The following ENOX2 variants were observed in gnomAD, a reference collection of about 807,000 sequenced individuals.
The protein encoded by ENOX2 is APK1 antigen.
ENOX2 carries 36 observed loss-of-function variants against 45.0 expected under a neutral mutation model. The ratio of observed to expected loss-of-function variants is 0.80; its 90% CI spans 0.61 to 1.06. The LOEUF is 1.06. ENOX2 is among the 50% of genes least tolerant of loss of function. The pLI is 0.00. For synonymous variants in ENOX2, 174 were observed against 152.3 expected, an observed-to-expected ratio of 1.14 and a Z score of -1.05; for missense variants, 423 against 462.5, an observed-to-expected ratio of 0.91 and a Z score of 0.78.
chrX:130,799,860 G>A (rs2077189108), intron 2 of ENOX2, among the ~76,000 whole-genome samples: 1 of 110,365 alleles, frequency 9.1e-6, no homozygotes, highest in Non-Finnish European at 1.9e-5. Flanking sequence ...TTTAATAGTA[G>A]TACAGTTAAG....
chrX:130,681,907 T>TA (rs1405815968), intron 5 of ENOX2, among the ~76,000 whole-genome samples: 1 of 110,912 alleles, frequency 9.0e-6, no homozygotes, highest in Non-Finnish European at 1.9e-5. Context: ...TTCCAGATCT[T>TA]AGTGTCACAC....
At chrX:130,706,358 T>TGTGGG (rs1447600533) in intron 3 of ENOX2, among the ~76,000 whole-genome samples, 1 of 111,794 alleles carries the variant, frequency 8.9e-6, no homozygotes, top group Admixed American at 9.5e-5. Context: ...TGTTTCTGGT[T>TGTGGG]GTGGGGTGGA....
chrX:130,791,924 C>T (rs1313673609), intron 2 of ENOX2, among the ~76,000 whole-genome samples: 3 of 112,286 alleles, frequency 2.7e-5, no homozygotes. Flanking sequence ...TTCTGTTAAT[C>T]GTTCTATGTA....
intron 3 of ENOX2, among the ~76,000 whole-genome samples, chrX:130,772,658 A>T (rs1166521079): frequency 8.9e-6 from 1 of 112,030 alleles, no homozygotes; most frequent in African/African-American, 3.2e-5. Context: ...CAAGATTTAC[A>T]CAATCTCCAG....
intron 2 of ENOX2, among the ~76,000 whole-genome samples, chrX:130,864,847 T>C (rs538992263): frequency 9.0e-6 from 1 of 111,341 alleles, no homozygotes; most frequent in African/African-American, 3.3e-5. Flanking sequence ...ACCCCATTTC[T>C]ACTAAAATAC....
At chrX:130,888,558 AT>A (rs775305100) in intron 2 of ENOX2, among the ~76,000 whole-genome samples, 20 of 112,169 alleles carry the variant, frequency 1.8e-4, no homozygotes, top group Non-Finnish European at 3.4e-4. Context: ...TAATGAGATA[AT>A]AGGTATGAAA....
At chrX:130,692,906 T>C (rs1238099285) in intron 4 of ENOX2, among the ~76,000 whole-genome samples, 1 of 111,279 alleles carries the variant, frequency 9.0e-6, no homozygotes, top group Non-Finnish European at 1.9e-5. Context: ...CCTCTTCTGA[T>C]TCATGTACTT....
At chrX:130,709,754 A>G (rs2038138032) in intron 3 of ENOX2, among the ~76,000 whole-genome samples, 1 of 110,530 alleles carries the variant, frequency 9.0e-6, no homozygotes, top group African/African-American at 3.3e-5. Context: ...TAGGACTCAG[A>G]AAAATGATGA....
chrX:130,844,653 C>T (rs766118101), intron 2 of ENOX2, among the ~76,000 whole-genome samples: 6 of 111,833 alleles, frequency 5.4e-5, no homozygotes, highest in South Asian at 7.5e-4. Flanking sequence ...AAAGCTGAAT[C>T]GCAGTAACTT....
At chrX:130,814,682 C>G (rs1365897998) in intron 2 of ENOX2, among the ~76,000 whole-genome samples, 1 of 112,065 alleles carries the variant, frequency 8.9e-6, no homozygotes, top group African/African-American at 3.3e-5. Flanking sequence ...AACTAACAAA[C>G]AGAAAGGAAT....
At chrX:130,842,148 C>A (rs1464633714) in intron 2 of ENOX2, among the ~76,000 whole-genome samples, 1 of 112,839 alleles carries the variant, frequency 8.9e-6, no homozygotes, top group East Asian at 2.8e-4. Flanking sequence ...CCCAGCCAGG[C>A]TGGCCTTAAT....
intron 8 of ENOX2, among the ~76,000 whole-genome samples, chrX:130,666,985 G>A (rs1220948552): frequency 2.7e-5 from 3 of 111,749 alleles, no homozygotes; most frequent in Non-Finnish European, 5.6e-5. Context: ...TTTTAAAAAT[G>A]GCCATTTTGG....
chrX:130,668,568 A>G (rs1384052665), intron 7 of ENOX2, among the ~76,000 whole-genome samples: 1 of 112,172 alleles, frequency 8.9e-6, no homozygotes, highest in Non-Finnish European at 1.9e-5. Context: ...TCCCCAAGAT[A>G]GCCACTTATG....
At chrX:130,709,656 G>A (rs868788486) in intron 3 of ENOX2, among the ~76,000 whole-genome samples, 9 of 97,507 alleles carry the variant, frequency 9.2e-5, no homozygotes, top group African/African-American at 1.1e-4. Flanking sequence ...AAAAAAAAAA[G>A]AAAAGAAAAG....
chrX:130,820,839 G>A (rs1156616449), intron 2 of ENOX2, among the ~76,000 whole-genome samples: 1 of 111,776 alleles, frequency 8.9e-6, no homozygotes, highest in Non-Finnish European at 1.9e-5. Context: ...TATGGTCAAA[G>A]GGTGCAAAAT....
At chrX:130,899,989 C>A (rs181652243) in intron 2 of ENOX2, among the ~76,000 whole-genome samples, 1 of 112,041 alleles carries the variant, frequency 8.9e-6, no homozygotes, top group African/African-American at 3.2e-5. Context: ...CTCTTCGCTC[C>A]GCTCACGTCA....
chrX:130,896,755 T>C (rs977307774), intron 2 of ENOX2, among the ~76,000 whole-genome samples: 6 of 112,238 alleles, frequency 5.3e-5, no homozygotes, highest in Non-Finnish European at 7.5e-5. Context: ...AGATGACTCA[T>C]GCTTAGGACT....
At chrX:130,645,960 C>T in intron 10 of ENOX2, 1 of 683,873 alleles carries the variant, frequency 1.5e-6, no homozygotes, top group Non-Finnish European at 2.4e-6. Context: ...CAACTCCATT[C>T]AAGGGAAACA....
intron 2 of ENOX2, among the ~76,000 whole-genome samples, chrX:130,828,074 G>A (rs1259963038): frequency 1.8e-5 from 2 of 112,189 alleles, no homozygotes; most frequent in Non-Finnish European, 3.8e-5. Flanking sequence ...CCCAATATCC[G>A]AGTTGATGCT....
Sources: allele counts gnomAD v4.1 joint callset (sites outside exome capture counted in the v4.1 genomes callset), GRCh38; gene constraint gnomAD v4.1.1; transcripts MANE v1.5; gene names NCBI Gene and HGNC (gene_info 2026-07-23, HGNC 2026-07-21).